CPLX2: variants seen among roughly 807,000 people sequenced by gnomAD.
The protein encoded by CPLX2 is complexin-2.
In CPLX2, 5 loss-of-function variants were observed where a neutral mutation model predicts 16.3. The ratio of observed to expected loss-of-function variants is 0.31; its 90% CI spans 0.16 to 0.64. The LOEUF (loss-of-function observed/expected upper bound fraction) is 0.64. CPLX2 is among the 30% of genes least tolerant of loss of function. CPLX2 has a pLI of 0.79. For synonymous variants in CPLX2, 89 were observed against 73.2 expected, an observed-to-expected ratio of 1.22 and a Z score of -1.10; for missense variants, 144 against 181.4, an observed-to-expected ratio of 0.79 and a Z score of 1.18.
chr5:175,814,784 G>A (rs779267268), intron 2 of CPLX2, among the ~76,000 whole-genome samples: 9 of 152,248 alleles, frequency 5.9e-5, no homozygotes, highest in South Asian at 2.1e-4. Context: ...ACCTGAGGCC[G>A]GTTTTGTCCA....
intron 2 of CPLX2, among the ~76,000 whole-genome samples, chr5:175,850,444 C>T (rs1446606193): frequency 2.0e-5 from 3 of 152,162 alleles, no homozygotes; most frequent in African/African-American, 7.2e-5. Context: ...AGACTAGAGC[C>T]GCACTGGGAA....
At chr5:175,812,836 T>C (rs1246527790) in intron 2 of CPLX2, among the ~76,000 whole-genome samples, 1 of 152,252 alleles carries the variant, frequency 6.6e-6, no homozygotes, top group Non-Finnish European at 1.5e-5. Flanking sequence ...GCTTCGCTTT[T>C]ATCTGTTGTA....
chr5:175,854,035 G>A (rs924387475), intron 2 of CPLX2, among the ~76,000 whole-genome samples: 30 of 152,310 alleles, frequency 2.0e-4, no homozygotes, highest in African/African-American at 6.7e-4. Context: ...GGCTCAGAGA[G>A]GCGCAGTGCC....
At chr5:175,808,784 T>G (rs969491524) in intron 1 of CPLX2, among the ~76,000 whole-genome samples, 1 of 152,150 alleles carries the variant, frequency 6.6e-6, no homozygotes, top group Admixed American at 6.5e-5. Flanking sequence ...ACTATCAGAT[T>G]GGGTGAGGTG....
chr5:175,811,970 T>G (rs1758319922), intron 2 of CPLX2, among the ~76,000 whole-genome samples: 1 of 152,216 alleles, frequency 6.6e-6, no homozygotes, highest in African/African-American at 2.4e-5. Flanking sequence ...GCCTCCAGGT[T>G]GGAAGGTCAA....
intron 1 of CPLX2, among the ~76,000 whole-genome samples, chr5:175,797,396 G>GA (rs1758007807): frequency 6.6e-6 from 1 of 151,962 alleles, no homozygotes; most frequent in African/African-American, 2.4e-5. Flanking sequence ...TGGGCAAGAG[G>GA]TAGAGGGGAA....
At chr5:175,836,061 A>G (rs887028640) in intron 2 of CPLX2, among the ~76,000 whole-genome samples, 2 of 151,916 alleles carry the variant, frequency 1.3e-5, no homozygotes, top group African/African-American at 4.8e-5. Flanking sequence ...TAAAATCTCA[A>G]CTGACTAGGC....
chr5:175,845,535 G>GCC lies in CPLX2; in HGVS notation c.-88-33113_-88-33112dup, dbSNP rs1359492226. ...GAGGGCCACTCCCCCTAGAGTAACT[G>GCC]CCCCCATCTGCGTCACTGTGTGTTA... On this transcript the variant is annotated intron_variant, in intron 2 of 4. Transcript: ENST00000359546. The surrounding 1 kb of genome is among the most constrained non-coding windows in gnomAD (Gnocchi z 4.0). Among the ~76,000 whole-genome samples, 2 of 152,150 alleles carry GCC rather than the reference G, an allele frequency of 1.3e-5. No homozygotes were observed. The highest frequency in any genetic ancestry group is 2.9e-5 in the Non-Finnish European group (2 of 68,018).
upstream of CPLX2, among the ~76,000 whole-genome samples, chr5:175,870,506 C>T (rs1157243864): frequency 2.0e-5 from 3 of 152,166 alleles, no homozygotes; most frequent in Non-Finnish European, 4.4e-5. Context: ...TTTCACAGGC[C>T]TTGTGCAAGG....
At chr5:175,837,656 A>ATTCATTCAG (rs112385703) in intron 2 of CPLX2, 23,128 of 152,060 alleles carry the variant, frequency 0.15, 2,045 homozygotes, top group East Asian at 0.29. Context: ...TGGTGAATAA[A>ATTCATTCAG]TTCATTCAGT....
chr5:175,857,119 A>G (rs1163034478), intron 2 of CPLX2, among the ~76,000 whole-genome samples: 1 of 152,182 alleles, frequency 6.6e-6, no homozygotes, highest in Non-Finnish European at 1.5e-5. Context: ...ATGAGGTCCC[A>G]AACAACCTGG....
At chr5:175,863,237 C>T (rs964064564) in intron 2 of CPLX2, among the ~76,000 whole-genome samples, 9 of 152,230 alleles carry the variant, frequency 5.9e-5, no homozygotes, top group African/African-American at 2.2e-4. Flanking sequence ...CATCAAGGAT[C>T]AGCCCATGGT....
intron 2 of CPLX2, among the ~76,000 whole-genome samples, chr5:175,860,481 GAAAGAAAGAAAGAAAGA>G: frequency 1.1e-5 from 1 of 87,050 alleles, no homozygotes; most frequent in Non-Finnish European, 2.2e-5. Context: ...AGAGAAAGAA[GAAAGAAAGAAAGAAAGA>G]AAAGAAAGAA....
intron 1 of CPLX2, among the ~76,000 whole-genome samples, chr5:175,806,211 C>T (rs543634084): frequency 6.6e-6 from 1 of 151,050 alleles, no homozygotes; most frequent in Admixed American, 6.6e-5. Flanking sequence ...TTTTTTTGGC[C>T]CTGAGGCTCC....
chr5:175,859,426 C>T (rs1251029149), intron 2 of CPLX2, among the ~76,000 whole-genome samples: 4 of 152,214 alleles, frequency 2.6e-5, no homozygotes, highest in African/African-American at 4.8e-5. Context: ...GAGGAAGCCA[C>T]AGCCCCAGTC....
intron 2 of CPLX2, among the ~76,000 whole-genome samples, chr5:175,836,080 G>A (rs955376875): frequency 7.9e-5 from 12 of 152,176 alleles, no homozygotes; most frequent in Non-Finnish European, 1.6e-4. Flanking sequence ...GCCAGGCGCG[G>A]TGGCTCACGC....
intron 2 of CPLX2, among the ~76,000 whole-genome samples, chr5:175,851,019 C>T (rs56965344): frequency 0.033 from 5,034 of 151,490 alleles, 279 homozygotes; most frequent in African/African-American, 0.11. Context: ...CCAAGCAGAC[C>T]AGGGATTTGA....
At chr5:175,844,014 G>A (rs1007802172) in intron 2 of CPLX2, among the ~76,000 whole-genome samples, 1 of 152,266 alleles carries the variant, frequency 6.6e-6, no homozygotes, top group African/African-American at 2.4e-5. Context: ...GAGGGCAGAA[G>A]ACCTGTGTGC....
intron 2 of CPLX2, among the ~76,000 whole-genome samples, chr5:175,864,665 A>C (rs1269690283): frequency 6.6e-6 from 1 of 152,096 alleles, no homozygotes; most frequent in African/African-American, 2.4e-5. Flanking sequence ...CTTCTTGTAC[A>C]CCTTTGCCTA....
Sources: allele counts gnomAD v4.1 joint callset (sites outside exome capture counted in the v4.1 genomes callset), GRCh38; gene constraint gnomAD v4.1.1; non-coding constraint Gnocchi (gnomAD v3.1); transcripts MANE v1.5; gene names NCBI Gene and HGNC (gene_info 2026-07-23, HGNC 2026-07-21).